PALM2AKAP2: variants seen among roughly 807,000 people sequenced by gnomAD.
The protein encoded by PALM2AKAP2 is PALM2-AKAP2 fusion protein.
Under a neutral mutation model 71.5 loss-of-function variants are expected in PALM2AKAP2, and 37 were observed. That is an observed-to-expected ratio of 0.52 (90% CI 0.40 to 0.68). PALM2AKAP2 has a LOEUF of 0.68. Among genes scored for constraint, PALM2AKAP2 ranks in the 30% least tolerant of loss-of-function variants. The pLI, the probability that PALM2AKAP2 is intolerant of heterozygous loss-of-function variation, is 0.00. For missense variants in PALM2AKAP2, 1,224 were observed against 1,191.8 expected (o/e 1.03, Z -0.40); for synonymous variants, 468 against 478.8 (o/e 0.98, Z 0.29).
rs148256336 is a variant in PALM2AKAP2, at chr9:110,090,879, C to T, written c.156+42024C>T. Among the ~76,000 whole-genome samples the T allele has an allele frequency of 8.6e-3, 1,303 of 152,124 alleles. 9 individuals carry two copies. The highest frequency in any genetic ancestry group is 0.031 in the Middle Eastern group (9 of 294). On this transcript the variant is annotated intron_variant, in intron 1 of 3. Coordinates refer to ENST00000374525, the Ensembl canonical transcript of PALM2AKAP2. ...AGCCCCTTAGTAATAATGTTAGATG[C>T]ACTGTGGAAAAACTAGGCACGTAGC...
intron 1 of PALM2AKAP2, among the ~76,000 whole-genome samples, chr9:109,866,198 A>G (rs11792458): frequency 0.14 from 21,025 of 152,228 alleles, 1,848 homozygotes; most frequent in East Asian, 0.26. Flanking sequence ...CAATGGTACA[A>G]TCATAGCCCC....
chr9:109,968,302 G>T (rs1831995643), intron 6 of PALM2AKAP2, among the ~76,000 whole-genome samples: 1 of 152,174 alleles, frequency 6.6e-6, no homozygotes, highest in Non-Finnish European at 1.5e-5. Context: ...GCCTGGATCT[G>T]CTGGGAAACC....
chr9:110,084,377 A>T (rs184801426), intron 1 of PALM2AKAP2, among the ~76,000 whole-genome samples: 2 of 152,366 alleles, frequency 1.3e-5, no homozygotes, highest in East Asian at 3.9e-4. Context: ...CCATTAAATT[A>T]TCATTCTCCA....
intron 1 of PALM2AKAP2, among the ~76,000 whole-genome samples, chr9:110,063,426 T>C (rs1834005917): frequency 6.7e-6 from 1 of 148,640 alleles, no homozygotes; most frequent in African/African-American, 2.5e-5. Context: ...TATGTATCTG[T>C]GTCCAAATTT....
At position 110,064,649 on chromosome 9, in the gene PALM2AKAP2, C is replaced by T. The variant is rs111883712; in HGVS notation, c.156+15794C>T. On this transcript the variant is annotated intron_variant, in intron 1 of 3. Transcript: ENST00000374525. Reference sequence around the variant, plus strand: ...TACTGCCACGGCAGCTCTCTGGCCCCGGAACTGGGGCAGTTCCTTCATTGT... The same window carrying T: ...TACTGCCACGGCAGCTCTCTGGCCCTGGAACTGGGGCAGTTCCTTCATTGT... Among the ~76,000 whole-genome samples, 1,341 of 152,302 alleles carry T rather than the reference C, an allele frequency of 8.8e-3. 18 individuals carry two copies. The highest frequency in any genetic ancestry group is 0.03 in the African/African-American group (1,255 of 41,552).
intron 1 of PALM2AKAP2, among the ~76,000 whole-genome samples, chr9:110,080,495 G>A (rs1046835053): frequency 3.3e-5 from 5 of 151,940 alleles, no homozygotes; most frequent in Admixed American, 1.3e-4. Context: ...TCAGGTGTAG[G>A]AAGAGATGGG....
chr9:110,044,376 A>T (rs1588074715), upstream of PALM2AKAP2, among the ~76,000 whole-genome samples: 1 of 92,830 alleles, frequency 1.1e-5, no homozygotes. Flanking sequence ...TTTTGAGATG[A>T]AGTCTCCCTC....
chr9:109,925,404 G>C (rs1830935068), intron 5 of PALM2AKAP2, among the ~76,000 whole-genome samples: 1 of 151,986 alleles, frequency 6.6e-6, no homozygotes. Flanking sequence ...ATCAGGACCT[G>C]GTCCCTTGTA....
intron 3 of PALM2AKAP2, among the ~76,000 whole-genome samples, chr9:109,895,108 C>G (rs936313320): frequency 2.6e-5 from 4 of 152,230 alleles, no homozygotes; most frequent in Admixed American, 1.3e-4. Context: ...TGGCACAAAA[C>G]CCAGTGTTCT....
intron 1 of PALM2AKAP2, among the ~76,000 whole-genome samples, chr9:109,819,652 A>AACACACACACCCAG (rs145276509): frequency 0.18 from 26,869 of 151,796 alleles, 2,787 homozygotes; most frequent in East Asian, 0.35. Context: ...AGCTCTGCCA[A>AACACACACACCCAG]GGGTTTGAAC....
intron 1 of PALM2AKAP2, among the ~76,000 whole-genome samples, chr9:109,762,232 C>T (rs1374431466): frequency 6.6e-6 from 1 of 151,716 alleles, no homozygotes; most frequent in African/African-American, 2.4e-5. Flanking sequence ...TGTTTTAGGT[C>T]CCTGGGAAGT....
intron 1 of PALM2AKAP2, among the ~76,000 whole-genome samples, chr9:109,832,667 T>G (rs1214810475): frequency 6.6e-6 from 1 of 152,186 alleles, no homozygotes; most frequent in African/African-American, 2.4e-5. Context: ...TTTTACAAAA[T>G]GCAAATTTCT....
intron 3 of PALM2AKAP2, among the ~76,000 whole-genome samples, chr9:109,920,552 G>A (rs2131941757): frequency 6.6e-6 from 1 of 151,868 alleles, no homozygotes; most frequent in East Asian, 1.9e-4. Context: ...GCTAATTTTT[G>A]TATTTTTAGT....
intron 1 of PALM2AKAP2, among the ~76,000 whole-genome samples, chr9:109,739,354 C>A (rs1828683675): frequency 6.6e-6 from 1 of 152,000 alleles, no homozygotes; most frequent in African/African-American, 2.4e-5. Context: ...AGAATGCCAT[C>A]AATTGTAAAA....
chr9:109,855,132 G>T (rs1829129008), intron 1 of PALM2AKAP2, among the ~76,000 whole-genome samples: 1 of 151,924 alleles, frequency 6.6e-6, no homozygotes, highest in Non-Finnish European at 1.5e-5. Context: ...GAGTGCAGTG[G>T]CACAATCTCA....
At chr9:110,138,186 C>T (rs61735424) in exon 2 of PALM2AKAP2, 63,423 of 1,613,848 alleles carry the variant, frequency 0.039, 1,470 homozygotes, top group Non-Finnish European at 0.046. Flanking sequence ...GAAGACAGGG[C>T]GCTCAGGGAA....
At chr9:110,172,501 A>C (rs1306552666) in exon 4 of PALM2AKAP2, 2 of 152,600 alleles carry the variant, frequency 1.3e-5, no homozygotes, top group African/African-American at 2.4e-5. Flanking sequence ...ATGTGTGTTG[A>C]GTTTTTATAA....
At chr9:109,948,811 T>C (rs1443036356) in intron 6 of PALM2AKAP2, among the ~76,000 whole-genome samples, 1 of 152,246 alleles carries the variant, frequency 6.6e-6, no homozygotes, top group African/African-American at 2.4e-5. Flanking sequence ...TTTATTTTCC[T>C]ATGGTTAATG....
In PALM2AKAP2 at chr9:109,673,100, A is replaced by G. The variant is rs184914203; in HGVS notation, c.5+32234A>G. Reference sequence around the variant, plus strand: ...TTTGTGTACGTGTGTGTGTGTCTCAATCTCTTTCAGTTCAGCTCTGATTTT... The same window carrying G: ...TTTGTGTACGTGTGTGTGTGTCTCAGTCTCTTTCAGTTCAGCTCTGATTTT... On this transcript the variant is annotated intron_variant, in intron 1 of 6. Coordinates refer to the PALM2AKAP2 transcript ENST00000374531. Among the ~76,000 whole-genome samples the G allele has an allele frequency of 1.9e-4, 29 of 151,930 alleles. No homozygotes were observed. The East Asian group carries it at 4.6e-3, about 24-fold the overall frequency.
Sources: allele counts gnomAD v4.1 joint callset (sites outside exome capture counted in the v4.1 genomes callset), GRCh38; gene constraint gnomAD v4.1.1; transcripts MANE v1.5; gene names NCBI Gene and HGNC (gene_info 2026-07-23, HGNC 2026-07-21).